The following KSR2 variants were observed in gnomAD, a reference collection of about 807,000 sequenced individuals.
The protein encoded by KSR2 is kinase suppressor of ras 2.
Under a neutral mutation model 107.8 loss-of-function variants are expected in KSR2, and 25 were observed. The ratio of observed to expected loss-of-function variants is 0.23; its 90% CI spans 0.17 to 0.32. The LOEUF is 0.32. Ranked by LOEUF, KSR2 falls within the 10% of genes least tolerant of loss-of-function variation. KSR2 has a pLI of 1.00. For synonymous variants in KSR2, 480 were observed against 507.0 expected (o/e 0.95, Z 0.71); for missense variants, 887 against 1,268.9 (o/e 0.70, Z 4.57).
At chr12:117,956,855 T>C (rs1326954726) in intron 1 of KSR2, among the ~76,000 whole-genome samples, 1 of 152,208 alleles carries the variant, frequency 6.6e-6, no homozygotes, top group Non-Finnish European at 1.5e-5. Context: ...TCACCGTATT[T>C]CCGTTGGTCA....
chr12:117,828,193 G>A lies in KSR2; in HGVS notation c.472+27235C>T, dbSNP rs367782058. On this transcript the variant is annotated intron_variant, in intron 3 of 19. Transcript: ENST00000339824. ...CGTCCCCAGGGCCTACCCAGTGTCC[G>A]GTATGCAGTAACACTTGGGAAGTGT... 6.5e-4 allele frequency among the ~76,000 whole-genome samples: 99 copies of A among 152,178 alleles called. 1 individual carries two copies. In the South Asian group the frequency reaches 0.02, roughly 30 times the overall value.
At chr12:117,575,942 A>T (rs1879259133) in intron 7 of KSR2, among the ~76,000 whole-genome samples, 1 of 152,158 alleles carries the variant, frequency 6.6e-6, no homozygotes, top group East Asian at 1.9e-4. Context: ...GCTTAAGCTC[A>T]CACAAGAGTT....
chr12:117,907,356 T>C lies in KSR2; in HGVS notation c.181-46925A>G, dbSNP rs1894887289. Among the ~76,000 whole-genome samples the C allele has an allele frequency of 6.6e-6, 1 of 151,996 alleles. No individual in the cohort carries two copies. Among genetic ancestry groups the C allele is most frequent in the African/African-American group, 2.4e-5 (1 of 41,378 alleles). On this transcript the variant is annotated intron_variant, in intron 1 of 19. Transcript: ENST00000339824. The surrounding 1 kb of genome is among the most constrained non-coding windows in gnomAD (Gnocchi z 4.3). ...CTCTTTGAGCCAGGATTTATAAAGC[T>C]CAAGGAAATGAGTCCTCCATCCTGT...
At chr12:117,519,784 G>A (rs758011983) in intron 14 of KSR2, among the ~76,000 whole-genome samples, 130 of 147,868 alleles carry the variant, frequency 8.8e-4, no homozygotes, top group South Asian at 1.7e-3. Context: ...GTGTGTGTGC[G>A]TGTGTGTGTG....
chr12:117,964,188 G>A (rs12830998), intron 1 of KSR2, among the ~76,000 whole-genome samples: 1 of 152,112 alleles, frequency 6.6e-6, no homozygotes, highest in East Asian at 1.9e-4. Flanking sequence ...TGAGGCAAGA[G>A]AATCACTGGA....
chr12:117,703,261 AT>A (rs2136625589), intron 4 of KSR2, among the ~76,000 whole-genome samples: 1 of 152,302 alleles, frequency 6.6e-6, no homozygotes, highest in South Asian at 2.1e-4. Flanking sequence ...AGAGGAATTG[AT>A]TTGTCCACTC....
At chr12:117,627,195 T>C (rs979199634) in intron 5 of KSR2, among the ~76,000 whole-genome samples, 2 of 152,214 alleles carry the variant, frequency 1.3e-5, no homozygotes, top group African/African-American at 4.8e-5. Flanking sequence ...ATTTAGCCCA[T>C]TTACATTTAA....
intron 3 of KSR2, among the ~76,000 whole-genome samples, chr12:117,787,435 T>C (rs1340884686): frequency 1.3e-5 from 2 of 152,070 alleles, no homozygotes; most frequent in Non-Finnish European, 2.9e-5. Context: ...GAGTTTGAGA[T>C]GGGCCTGGCC....
At chr12:117,802,060 A>C (rs545426260) in intron 3 of KSR2, among the ~76,000 whole-genome samples, 1 of 152,300 alleles carries the variant, frequency 6.6e-6, no homozygotes, top group South Asian at 2.1e-4. Context: ...ATTATCTTAA[A>C]ATTCTGGAGA....
chr12:117,697,739 CA>C (rs35764451), intron 4 of KSR2, among the ~76,000 whole-genome samples: 7,755 of 66,388 alleles, frequency 0.12, 415 homozygotes, highest in African/African-American at 0.27. Flanking sequence ...GACTCCATCT[CA>C]AAAAAAAAAA....
At chr12:117,732,337 G>A (rs80335445) in intron 4 of KSR2, among the ~76,000 whole-genome samples, 8,585 of 151,564 alleles carry the variant, frequency 0.057, 288 homozygotes, top group East Asian at 0.063. Context: ...CACCCAGGCT[G>A]GAGTGCCATG....
intron 12 of KSR2, among the ~76,000 whole-genome samples, chr12:117,529,990 C>A (rs74541538): frequency 1.3e-5 from 2 of 152,166 alleles, no homozygotes; most frequent in African/African-American, 4.8e-5. Flanking sequence ...CACTGCATTG[C>A]AGCCTGGGTG....
intron 17 of KSR2, 128 bp from the exon 18 acceptor site, chr12:117,471,448 T>C (rs1871453266): frequency 5.9e-6 from 6 of 1,012,832 alleles, no homozygotes; most frequent in Admixed American, 5.6e-5. Flanking sequence ...TTCTTCCTCA[T>C]GGGGTTGGTA....
chr12:117,790,788 C>T (rs2136973138), intron 3 of KSR2, among the ~76,000 whole-genome samples: 1 of 152,282 alleles, frequency 6.6e-6, no homozygotes, highest in East Asian at 1.9e-4. Context: ...TCCCACCCCA[C>T]AGTAAGACCC....
intron 18 of KSR2, among the ~76,000 whole-genome samples, 156 bp from the exon 19 acceptor site, chr12:117,469,951 G>A (rs568167999): frequency 2.8e-5 from 3 of 107,372 alleles, no homozygotes; most frequent in African/African-American, 4.4e-5. Context: ...CCACCCATCC[G>A]GTACGTGTCT....
At chr12:117,510,785 G>T (rs1270795770) in intron 14 of KSR2, among the ~76,000 whole-genome samples, 2 of 151,700 alleles carry the variant, frequency 1.3e-5, no homozygotes, top group Non-Finnish European at 2.9e-5. Context: ...GGCTGAGACT[G>T]GAGAATTGTT....
intron 14 of KSR2, among the ~76,000 whole-genome samples, chr12:117,503,453 A>C (rs539482767): frequency 6.6e-6 from 1 of 152,244 alleles, no homozygotes; most frequent in East Asian, 1.9e-4. Context: ...GGGTATTTTA[A>C]AGTGCATTGC....
chr12:117,917,213 T>C (rs557495331), intron 1 of KSR2, among the ~76,000 whole-genome samples: 2 of 152,310 alleles, frequency 1.3e-5, no homozygotes, highest in African/African-American at 2.4e-5. Context: ...TTAAGTAACA[T>C]TATAATAAAA....
chr12:117,473,194 C>T (rs373233624), intron 17 of KSR2, among the ~76,000 whole-genome samples: 1 of 152,178 alleles, frequency 6.6e-6, no homozygotes, highest in East Asian at 1.9e-4. Context: ...CCAGACCGAC[C>T]CTGGTGCTGC....
Sources: gnomAD v4.1 joint callset for allele counts (sites outside exome capture counted in the v4.1 genomes callset) on GRCh38, gnomAD v4.1.1 for gene constraint, Gnocchi (gnomAD v3.1) non-coding constraint, MANE v1.5 for transcripts, NCBI Gene and HGNC (gene_info 2026-07-23, HGNC 2026-07-21) for gene names.